Variants in CFAP92 observed in about 807,000 individuals in gnomAD.
The protein encoded by CFAP92 is uncharacterized protein CFAP92.
Under a neutral mutation model 106.3 loss-of-function variants are expected in CFAP92, and 86 were observed. That is an observed-to-expected ratio of 0.81 (90% CI 0.68 to 0.97). The LOEUF is 0.97. Among genes scored for constraint, CFAP92 ranks in the 50% least tolerant of loss-of-function variants. The pLI, the probability that CFAP92 is intolerant of heterozygous loss-of-function variation, is 0.00. For synonymous variants in CFAP92, 477 were observed against 506.4 expected, an observed-to-expected ratio of 0.94 and a Z score of 0.78; for missense variants, 1,204 against 1,283.8, an observed-to-expected ratio of 0.94 and a Z score of 0.95.
At chr3:128,953,073 T>G (rs1468667722) in intron 9 of CFAP92, among the ~76,000 whole-genome samples, 1 of 150,442 alleles carries the variant, frequency 6.6e-6, no homozygotes, top group Non-Finnish European at 1.5e-5. Flanking sequence ...AGACTCCAAC[T>G]CAAAAAGCAA....
intron 9 of CFAP92, among the ~76,000 whole-genome samples, chr3:128,948,793 G>C (rs1174706503): frequency 2.0e-5 from 3 of 147,596 alleles, no homozygotes; most frequent in African/African-American, 7.6e-5. Context: ...GCCTCCCAAA[G>C]TGTTGGGATT....
intron 2 of CFAP92, among the ~76,000 whole-genome samples, chr3:128,990,082 T>C (rs962165514): frequency 6.6e-6 from 1 of 152,230 alleles, no homozygotes; most frequent in Non-Finnish European, 1.5e-5. Context: ...TATCGCAGAA[T>C]TGCAACAGAA....
rs1942792607 is a variant in CFAP92, at chr3:128,971,488, C to T, written c.1022-55G>A. The T allele has an allele frequency of 3.6e-6, 5 of 1,377,236 alleles. No homozygotes were observed. The South Asian group carries it at 7.0e-5, about 19-fold the overall frequency. 85.3% of individuals were successfully genotyped at this position (1,377,236 alleles called of 1,614,324 possible). On this transcript the variant is annotated intron_variant, in intron 7 of 15. Coordinates refer to ENST00000645291, the MANE Select transcript of CFAP92 (RefSeq NM_001394090.1). ...TAAGAGGAGACTGTATCTGAGCTGCCATATGTGGACCTGAACATGCTACAG... is the reference window on the plus strand; with the variant it reads ...TAAGAGGAGACTGTATCTGAGCTGCTATATGTGGACCTGAACATGCTACAG...
intron 9 of CFAP92, among the ~76,000 whole-genome samples, chr3:128,957,140 A>G (rs1006925647): frequency 6.6e-6 from 1 of 152,356 alleles, no homozygotes; most frequent in South Asian, 2.1e-4. Context: ...GGCGAAAGGA[A>G]GTTCTTGAAA....
chr3:128,929,436 G>T (rs1285186837), intron 12 of CFAP92, among the ~76,000 whole-genome samples: 2 of 152,104 alleles, frequency 1.3e-5, no homozygotes. Context: ...CTACCCAAGA[G>T]AAATGAAAAC....
the CFAP92 span, among the ~76,000 whole-genome samples, chr3:129,015,232 C>T: frequency 6.6e-6 from 1 of 152,230 alleles, no homozygotes; most frequent in Non-Finnish European, 1.5e-5. Context: ...TTTGGGCATA[C>T]GGCTCCCTCC....
upstream of CFAP92, among the ~76,000 whole-genome samples, chr3:128,995,062 G>A (rs1022275100): frequency 2.1e-4 from 32 of 152,202 alleles, no homozygotes; most frequent in African/African-American, 7.2e-4. Flanking sequence ...TTCTGTTGAG[G>A]GAGGGCACCC....
intron 6 of CFAP92, 100 bp from the exon 7 acceptor site, chr3:128,976,003 TA>T (rs1943133922): frequency 8.1e-7 from 1 of 1,228,390 alleles, no homozygotes; most frequent in Admixed American, 3.0e-5. Flanking sequence ...GCAGATTTTT[TA>T]AAAACCTCAT....
At chr3:128,979,976 G>C (rs1337913936) in intron 4 of CFAP92, among the ~76,000 whole-genome samples, 1 of 114,476 alleles carries the variant, frequency 8.7e-6, no homozygotes, top group Non-Finnish European at 2.0e-5. Flanking sequence ...ATATATAAAA[G>C]AAAAAAGAGA....
chr3:128,921,317 G>A (rs1937263761), intron 12 of CFAP92, among the ~76,000 whole-genome samples: 1 of 152,234 alleles, frequency 6.6e-6, no homozygotes, highest in Non-Finnish European at 1.5e-5. Context: ...GGAAAGCTGA[G>A]CACTCGGAAG....
chr3:129,004,536 A>G (rs942885280), upstream of CFAP92, among the ~76,000 whole-genome samples: 1 of 24,166 alleles, frequency 4.1e-5, no homozygotes, highest in East Asian at 9.8e-4. Context: ...CCATCCCCCC[A>G]CCCACCCAGC....
At chr3:128,975,961 T>A (rs998738047) in intron 6 of CFAP92, 58 bp from the exon 7 acceptor site, 7 of 1,530,270 alleles carry the variant, frequency 4.6e-6, no homozygotes, top group Non-Finnish European at 5.3e-6. Context: ...GGGCCAGATC[T>A]GAGAATCTAT....
intron 1 of CFAP92, chr3:129,002,038 C>T (rs1381927418): frequency 3.9e-6 from 6 of 1,543,532 alleles, no homozygotes; most frequent in Non-Finnish European, 5.2e-6. Context: ...CGCGCCGAGC[C>T]GCCGGAGCTC....
chr3:128,931,712 A>G (rs2107704062), intron 12 of CFAP92, among the ~76,000 whole-genome samples: 1 of 152,204 alleles, frequency 6.6e-6, no homozygotes, highest in East Asian at 1.9e-4. Flanking sequence ...TGAAAAAGCT[A>G]AAAAGTTTTT....
intron 4 of CFAP92, among the ~76,000 whole-genome samples, chr3:128,979,071 C>A (rs538847332): frequency 5.9e-5 from 9 of 152,294 alleles, no homozygotes; most frequent in African/African-American, 2.2e-4. Flanking sequence ...GGGCTAACAT[C>A]CAGAATCTAC....
the CFAP92 span, among the ~76,000 whole-genome samples, chr3:129,017,841 G>C: frequency 6.6e-6 from 1 of 151,940 alleles, no homozygotes; most frequent in South Asian, 2.1e-4. Context: ...TGGAACTTGG[G>C]GGCCCATTCC....
At chr3:128,957,557 A>G (rs541239972) in intron 9 of CFAP92, among the ~76,000 whole-genome samples, 15 of 152,222 alleles carry the variant, frequency 9.9e-5, no homozygotes, top group Non-Finnish European at 1.9e-4. Context: ...AACCCACAAG[A>G]AAGCAGGAAT....
rs1310535965 is a variant in CFAP92 at position 128,968,992 on chromosome 3, ATAGCCT to A, written c.1168+2289_1168+2294del. On this transcript the variant is annotated intron_variant, in intron 8 of 15. Coordinates refer to ENST00000645291, the MANE Select transcript of CFAP92 (RefSeq NM_001394090.1). ...CTGAAGATCCACAAAAGAAGTGAAA[ATAGCCT>A]TAACTGATGACATTCCACCATTGTG... The A allele has an allele frequency of 2.0e-5, 3 of 153,622 alleles. No homozygotes were observed. The East Asian group carries it at 5.7e-4, about 29-fold the overall frequency. 9.5% of individuals were successfully genotyped at this position (153,622 alleles called of 1,614,324 possible).
intron 10 of CFAP92, among the ~76,000 whole-genome samples, chr3:128,942,780 T>G (rs1939777289): frequency 6.6e-6 from 1 of 151,850 alleles, no homozygotes; most frequent in South Asian, 2.1e-4. Context: ...TTCAAGCAAT[T>G]CTCCTGCCTC....
Sources: allele counts gnomAD v4.1 joint callset (sites outside exome capture counted in the v4.1 genomes callset), GRCh38; gene constraint gnomAD v4.1.1; transcripts MANE v1.5; gene names NCBI Gene and HGNC (gene_info 2026-07-23, HGNC 2026-07-21).